TTC17: variants seen among roughly 807,000 people sequenced by gnomAD.
TTC17 encodes the protein tetratricopeptide repeat domain 17, also known as tetratricopeptide repeat protein 17.
TTC17 carries 58 observed loss-of-function variants against 143.8 expected under a neutral mutation model. The ratio of observed to expected loss-of-function variants is 0.40; its 90% CI spans 0.33 to 0.50. TTC17 has a LOEUF of 0.50. Ranked by LOEUF, TTC17 falls within the 20% of genes least tolerant of loss-of-function variation. The pLI, the probability that TTC17 is intolerant of heterozygous loss-of-function variation, is 0.49. For synonymous variants in TTC17, 501 were observed against 497.8 expected, an observed-to-expected ratio of 1.01 and a Z score of -0.09; for missense variants, 1,273 against 1,392.5, an observed-to-expected ratio of 0.91 and a Z score of 1.37.
In TTC17 at chr11:43,452,768, C is replaced by T. The variant is rs112678583; in HGVS notation, c.3030+1503C>T. ...TGGGCAACATAGCGAGACCCTATCT[C>T]TACAAAAAAATTAAAATGCTCACAC... On this transcript the variant is annotated intron_variant, in intron 21 of 23. Coordinates refer to ENST00000039989, the MANE Select transcript of TTC17 (RefSeq NM_018259.6). Among the ~76,000 whole-genome samples the T allele has an allele frequency of 9.2e-3, 1,406 of 152,006 alleles. 26 individuals carry two copies. The highest frequency in any genetic ancestry group is 0.032 in the African/African-American group (1,334 of 41,438).
chr11:43,474,263 A>G (rs1948144251), intron 21 of TTC17, among the ~76,000 whole-genome samples: 1 of 152,222 alleles, frequency 6.6e-6, no homozygotes, highest in African/African-American at 2.4e-5. Context: ...TATCAAGTGG[A>G]GGAGAAAAAG....
At chr11:43,436,210 A>G in intron 16 of TTC17, 1 of 1,473,904 alleles carries the variant, frequency 6.8e-7, no homozygotes, top group Non-Finnish European at 9.0e-7. Context: ...ACAAACAGAA[A>G]TATTTTGACA....
intron 1 of TTC17, among the ~76,000 whole-genome samples, chr11:43,371,579 C>T (rs982560820): frequency 6.6e-6 from 1 of 152,172 alleles, no homozygotes; most frequent in East Asian, 1.9e-4. Flanking sequence ...TGAACCCAGT[C>T]CTTTTGGGGT....
chr11:43,459,652 T>G (rs1305033921), intron 21 of TTC17, among the ~76,000 whole-genome samples: 2 of 152,248 alleles, frequency 1.3e-5, no homozygotes, highest in Non-Finnish European at 2.9e-5. Flanking sequence ...AGCTAGACAC[T>G]GGCTTAAATC....
At chr11:43,482,259 T>G (rs1462889887) in intron 21 of TTC17, among the ~76,000 whole-genome samples, 1 of 97,202 alleles carries the variant, frequency 1.0e-5, no homozygotes, top group Non-Finnish European at 2.5e-5. Context: ...TTTTTAATAG[T>G]TTTTTTTTTT....
intron 1 of TTC17, among the ~76,000 whole-genome samples, chr11:43,371,023 TG>T (rs11332875): frequency 0.26 from 28,342 of 108,336 alleles, 3,105 homozygotes; most frequent in African/African-American, 0.39. Context: ...GGAGGGGAGG[TG>T]GGGGGGGGGG....
At chr11:43,457,319 C>A (rs190000684) in intron 21 of TTC17, among the ~76,000 whole-genome samples, 1 of 152,108 alleles carries the variant, frequency 6.6e-6, no homozygotes, top group East Asian at 2.0e-4. Context: ...ATCAGTCTTA[C>A]GACCTCTTTG....
At chr11:43,402,891 A>G (rs1228539012) in intron 10 of TTC17, among the ~76,000 whole-genome samples, 2 of 152,212 alleles carry the variant, frequency 1.3e-5, no homozygotes, top group African/African-American at 4.8e-5. Context: ...GAGCATCTAT[A>G]GGAGGACAAA....
chr11:43,372,394 C>G (rs1856601628), intron 1 of TTC17, among the ~76,000 whole-genome samples: 1 of 151,968 alleles, frequency 6.6e-6, no homozygotes, highest in South Asian at 2.1e-4. Flanking sequence ...CTTCCACTTC[C>G]TGGCTTCAAG....
intron 1 of TTC17, among the ~76,000 whole-genome samples, chr11:43,377,248 A>G (rs1021880810): frequency 5.3e-5 from 8 of 152,066 alleles, no homozygotes; most frequent in Middle Eastern, 3.2e-3. Context: ...AGTCGAGATC[A>G]CACCACTGCA....
chr11:43,489,052 A>G (rs906544812), intron 21 of TTC17, among the ~76,000 whole-genome samples: 3 of 152,196 alleles, frequency 2.0e-5, no homozygotes, highest in Non-Finnish European at 2.9e-5. Flanking sequence ...AAGTCATTGA[A>G]GATCACTAAA....
At chr11:43,432,560 T>C (rs1204409579) in intron 16 of TTC17, among the ~76,000 whole-genome samples, 1 of 152,236 alleles carries the variant, frequency 6.6e-6, no homozygotes, top group African/African-American at 2.4e-5. Flanking sequence ...GTTTAAATAG[T>C]GTTGTTCCTT....
At chr11:43,446,639 C>A (rs2134740966) in intron 18 of TTC17, 1 of 983,502 alleles carries the variant, frequency 1.0e-6, no homozygotes, top group African/African-American at 1.7e-5. Context: ...TTGTTAAAAT[C>A]TCAATCTAAA....
At chr11:43,483,681 T>C (rs753745889) in intron 21 of TTC17, among the ~76,000 whole-genome samples, 69 of 152,216 alleles carry the variant, frequency 4.5e-4, no homozygotes, top group Non-Finnish European at 7.9e-4. Context: ...TAAAACTTAG[T>C]AAATTCCTTA....
intron 15 of TTC17, among the ~76,000 whole-genome samples, chr11:43,410,979 A>C (rs1858385420): frequency 6.6e-6 from 1 of 152,272 alleles, no homozygotes; most frequent in Admixed American, 6.5e-5. Flanking sequence ...TGTCTGGATT[A>C]TTTTAATAGC....
chr11:43,361,700 A>T (rs1264262888), intron 1 of TTC17, among the ~76,000 whole-genome samples: 2 of 152,242 alleles, frequency 1.3e-5, no homozygotes, highest in African/African-American at 2.4e-5. Flanking sequence ...CCATCTGTAT[A>T]CTTTGTCCTG....
intron 16 of TTC17, among the ~76,000 whole-genome samples, chr11:43,428,274 C>A (rs533937544): frequency 2.0e-5 from 3 of 151,896 alleles, no homozygotes; most frequent in South Asian, 2.1e-4. Context: ...AAGAAAAGTT[C>A]CCTAGGCTGA....
intron 21 of TTC17, among the ~76,000 whole-genome samples, chr11:43,478,960 G>T (rs1047819218): frequency 6.6e-6 from 1 of 152,162 alleles, no homozygotes; most frequent in Admixed American, 6.5e-5. Flanking sequence ...GTAGTTCCAG[G>T]CCGGGCGTGG....
chr11:43,465,646 CAAAT>C (rs1447376810), intron 21 of TTC17, among the ~76,000 whole-genome samples: 2 of 152,110 alleles, frequency 1.3e-5, no homozygotes, highest in African/African-American at 4.8e-5. Context: ...TGTATATAAT[CAAAT>C]AATTTTCCAC....
Sources: allele counts gnomAD v4.1 joint callset (sites outside exome capture counted in the v4.1 genomes callset), GRCh38; gene constraint gnomAD v4.1.1; transcripts MANE v1.5; gene names NCBI Gene and HGNC (gene_info 2026-07-23, HGNC 2026-07-21).